RNF212B: variants seen among roughly 807,000 people sequenced by gnomAD.
The protein encoded by RNF212B is ring finger protein 212B.
In RNF212B, 52 loss-of-function variants were observed where a neutral mutation model predicts 55.5. The observed-to-expected ratio is 0.94, with a 90% CI of 0.75 to 1.18. The LOEUF (loss-of-function observed/expected upper bound fraction) is 1.18, where lower values mean the gene tolerates loss of function less well. Ranked by LOEUF, RNF212B falls within the 50% of genes most tolerant of loss-of-function variation. The pLI is 0.00. For missense variants in RNF212B, 289 were observed against 350.4 expected, an observed-to-expected ratio of 0.82 and a Z score of 1.40; for synonymous variants, 99 against 121.4, an observed-to-expected ratio of 0.82 and a Z score of 1.21.
At position 23,219,958 on chromosome 14, in the gene RNF212B, T is replaced by C. The variant is rs375392632; in HGVS notation, c.-1-20387T>C. On this transcript the variant is annotated intron_variant, in intron 2 of 15. Coordinates refer to the RNF212B transcript ENST00000399910. The stretch of plus-strand genomic sequence containing the variant: ...CAGCATTTTGGGAAGCCGAGGCAGG[T>C]GGATCGTTTGACGTCAGGAGTTCGA... Among the ~76,000 whole-genome samples, 1,312 of 151,684 alleles carry C rather than the reference T, an allele frequency of 8.6e-3. 23 individuals carry two copies. The highest frequency in any genetic ancestry group is 0.03 in the African/African-American group (1,242 of 41,376).
rs1883252900 is a variant in RNF212B, at chr14:23,238,034, T to C, written c.-23T>C. Among the ~76,000 whole-genome samples the C allele has an allele frequency of 6.6e-6, 1 of 152,194 alleles. No homozygotes were observed. Among genetic ancestry groups the C allele is most frequent in the Admixed American group, 6.5e-5 (1 of 15,286 alleles). On this transcript the variant is annotated 5_prime_UTR_variant, in exon 1 of 15. Transcript: ENST00000430154. ...TGATTTCCTGAGATCTGAGGCTTTC[T>C]GGAATCACAGCGGCCAAGCGGGTAG...
chr14:23,192,633 T>C (rs1204800001), intron 1 of RNF212B, among the ~76,000 whole-genome samples: 2 of 152,044 alleles, frequency 1.3e-5, no homozygotes, highest in Admixed American at 1.3e-4. Flanking sequence ...CATGTATACA[T>C]ATGTAACAAA....
intron 11 of RNF212B, among the ~76,000 whole-genome samples, chr14:23,266,560 C>T (rs1023809023): frequency 3.3e-5 from 5 of 151,426 alleles, no homozygotes; most frequent in Non-Finnish European, 7.4e-5. Flanking sequence ...TACAGGCATG[C>T]ACCACCACCA....
chr14:23,251,814 C>CAAAAAAAAAAAAAA (rs71119011), intron 4 of RNF212B, among the ~76,000 whole-genome samples: 2 of 136,396 alleles, frequency 1.5e-5, no homozygotes, highest in Non-Finnish European at 1.6e-5. Context: ...GACTCTGTCT[C>CAAAAAAAAAAAAAA]AAAAAAAAAA....
chr14:23,222,610 G>C (rs143388124), intron 2 of RNF212B, among the ~76,000 whole-genome samples: 2,664 of 152,172 alleles, frequency 0.018, 91 homozygotes, highest in African/African-American at 0.062. Context: ...GAGGAGGAGG[G>C]AATACTTCCA....
intron 2 of RNF212B, among the ~76,000 whole-genome samples, chr14:23,208,643 A>G (rs1880096525): frequency 6.6e-6 from 1 of 152,176 alleles, no homozygotes; most frequent in African/African-American, 2.4e-5. Flanking sequence ...CTCACTCAAG[A>G]AAGAACTCAG....
At chr14:23,193,285 T>C (rs1837239804) in intron 1 of RNF212B, 2 of 152,104 alleles carry the variant, frequency 1.3e-5, no homozygotes, top group Non-Finnish European at 2.9e-5. Context: ...TCTATCAAAA[T>C]ATAAGATCTC....
chr14:23,219,773 T>G (rs1220030056), intron 2 of RNF212B, among the ~76,000 whole-genome samples: 1 of 151,892 alleles, frequency 6.6e-6, no homozygotes, highest in Non-Finnish European at 1.5e-5. Flanking sequence ...CTCCCAGCCT[T>G]TATTAGTTTT....
At chr14:23,258,425 C>T in intron 4 of RNF212B, 124 bp from the exon 5 acceptor site, 1 of 438,076 alleles carries the variant, frequency 2.3e-6, no homozygotes, top group South Asian at 4.8e-5. Flanking sequence ...GTGAATTAGG[C>T]CAGATGTTCT....
At chr14:23,196,463 A>G (rs1878712361) in intron 2 of RNF212B, among the ~76,000 whole-genome samples, 1 of 152,050 alleles carries the variant, frequency 6.6e-6, no homozygotes, top group Non-Finnish European at 1.5e-5. Context: ...ACATAGAAAC[A>G]GGGGCCTGCT....
Position 23,253,471 on chromosome 14 carries a change from C to G in RNF212B, c.229-5078C>G, listed in dbSNP as rs1247822412. On this transcript the variant is annotated intron_variant, in intron 4 of 14. Coordinates refer to ENST00000430154, the MANE Select transcript of RNF212B (RefSeq NM_001282322.3). The stretch of plus-strand genomic sequence containing the variant: ...GAGTCATTTCATATGTTCCTCTGTC[C>G]TCTATTTCTTGTAAATTGTTAGGTA... Among the ~76,000 whole-genome samples, 2 of 151,700 alleles carry G rather than the reference C, an allele frequency of 1.3e-5. 1 individual carries two copies. The highest frequency in any genetic ancestry group is 1.3e-4 in the Admixed American group (2 of 15,212).
In RNF212B at chr14:23,270,608, G is replaced by C. The variant is rs1177037185; in HGVS notation, c.781G>C (p.Glu261Gln). Residue 261 changes from glutamate to glutamine, a missense_variant, in exon 14 of 15, where the codon GAG becomes CAG. Glu to Gln is a conservative substitution (Grantham distance 29). Transcript: ENST00000430154. ...VLTPNNFAQR[E>Q]STTTLESLPS... ...TCCATTCTATCCTTCAGCTCAGAGG[G>C]AGAGCACAACTACACTAGAGAGTCT... 1.9e-6 allele frequency: 3 copies of C among 1,549,920 alleles called. No individual in the cohort carries two copies.
chr14:23,259,060 T>C (rs895378429), intron 5 of RNF212B, among the ~76,000 whole-genome samples: 4 of 151,694 alleles, frequency 2.6e-5, no homozygotes, highest in Admixed American at 6.6e-5. Context: ...GACATGGTGG[T>C]TCACACCTGT....
chr14:23,231,795 A>G (rs1000048658), intron 2 of RNF212B, among the ~76,000 whole-genome samples: 6 of 152,116 alleles, frequency 3.9e-5, no homozygotes, highest in African/African-American at 7.2e-5. Context: ...ACGCGCCGCC[A>G]CGCCTGACTG....
At chr14:23,251,192 CCT>C (rs1191181704) in intron 4 of RNF212B, among the ~76,000 whole-genome samples, 1 of 152,110 alleles carries the variant, frequency 6.6e-6, no homozygotes, top group East Asian at 1.9e-4. Flanking sequence ...ATTTTCTGCC[CCT>C]GTGTGAGATG....
intron 2 of RNF212B, among the ~76,000 whole-genome samples, chr14:23,211,677 T>C (rs1864012224): frequency 6.6e-6 from 1 of 152,162 alleles, no homozygotes; most frequent in Admixed American, 6.5e-5. Context: ...GATTTAACAT[T>C]CAAAAACAAT....
chr14:23,214,170 G>T (rs1880846905), intron 2 of RNF212B, among the ~76,000 whole-genome samples: 1 of 152,112 alleles, frequency 6.6e-6, no homozygotes, highest in Admixed American at 6.6e-5. Flanking sequence ...TTTTAAAGTA[G>T]AAAGTCTCAG....
At chr14:23,272,734 G>A (rs1886199708) in intron 14 of RNF212B, 89 bp from the exon 15 acceptor site, 15 of 817,070 alleles carry the variant, frequency 1.8e-5, no homozygotes, top group South Asian at 1.3e-4. Context: ...TGTCTGTCTC[G>A]ATAAGCTTCA....
At chr14:23,251,814 C>G (rs1009198054) in intron 4 of RNF212B, among the ~76,000 whole-genome samples, 2 of 136,406 alleles carry the variant, frequency 1.5e-5, no homozygotes, top group African/African-American at 2.7e-5. Context: ...GACTCTGTCT[C>G]AAAAAAAAAA....
Sources: allele counts gnomAD v4.1 joint callset (sites outside exome capture counted in the v4.1 genomes callset), GRCh38; gene constraint gnomAD v4.1.1; transcripts MANE v1.5; gene names NCBI Gene and HGNC (gene_info 2026-07-23, HGNC 2026-07-21).